The following SLC4A4 variants were observed in gnomAD, a reference collection of about 807,000 sequenced individuals.
The protein encoded by SLC4A4 is solute carrier family 4 member 4, also known as electrogenic sodium bicarbonate cotransporter 1.
SLC4A4 carries 27 observed loss-of-function variants against 111.5 expected under a neutral mutation model. The observed-to-expected ratio is 0.24, with a 90% CI of 0.18 to 0.33. The LOEUF (loss-of-function observed/expected upper bound fraction) is 0.33. Ranked by LOEUF, SLC4A4 falls within the 10% of genes least tolerant of loss-of-function variation. SLC4A4 has a pLI of 1.00. For missense variants in SLC4A4, 909 were observed against 1,315.5 expected (o/e 0.69, Z 4.78); for synonymous variants, 443 against 463.4 (o/e 0.96, Z 0.57).
At chr4:71,164,981 T>C (rs1320625636) in intron 2 of SLC4A4, among the ~76,000 whole-genome samples, 1 of 152,044 alleles carries the variant, frequency 6.6e-6, no homozygotes, top group Non-Finnish European at 1.5e-5. Context: ...ATTAGAGAAA[T>C]GCAAATCAAA....
At chr4:71,243,488 G>T (rs1458739264) in intron 2 of SLC4A4, among the ~76,000 whole-genome samples, 3 of 152,136 alleles carry the variant, frequency 2.0e-5, no homozygotes, top group African/African-American at 7.2e-5. Context: ...AGGCTTTCTT[G>T]TTGCTGTCAT....
intron 2 of SLC4A4, among the ~76,000 whole-genome samples, chr4:71,156,579 C>CGT (rs1744474869): frequency 3.9e-5 from 4 of 103,102 alleles, no homozygotes; most frequent in East Asian, 5.9e-4. Context: ...CGCATGCGCG[C>CGT]GCGCGCGCGC....
chr4:71,419,521 G>C (rs1458550724), intron 7 of SLC4A4, among the ~76,000 whole-genome samples: 1 of 152,222 alleles, frequency 6.6e-6, no homozygotes, highest in Non-Finnish European at 1.5e-5. Flanking sequence ...ATAATCTCCT[G>C]GTGCCCCGTT....
At chr4:71,204,095 T>C (rs1288903422) in intron 1 of SLC4A4, among the ~76,000 whole-genome samples, 2 of 152,312 alleles carry the variant, frequency 1.3e-5, no homozygotes, top group East Asian at 3.9e-4. Context: ...TTCCATGCGG[T>C]GTTGGCTATT....
At chr4:71,330,726 T>A (rs1727907121) in intron 3 of SLC4A4, among the ~76,000 whole-genome samples, 1 of 151,878 alleles carries the variant, frequency 6.6e-6, no homozygotes, top group Non-Finnish European at 1.5e-5. Flanking sequence ...AAGCCAAAAT[T>A]GACAAATGGG....
At chr4:71,427,561 C>A (rs542432905) in intron 7 of SLC4A4, among the ~76,000 whole-genome samples, 3 of 152,028 alleles carry the variant, frequency 2.0e-5, no homozygotes, top group Non-Finnish European at 4.4e-5. Context: ...TTTTTACCCC[C>A]TCTTGGGATT....
intron 16 of SLC4A4, among the ~76,000 whole-genome samples, chr4:71,524,958 C>T (rs996764203): frequency 2.0e-5 from 3 of 152,082 alleles, no homozygotes; most frequent in Non-Finnish European, 4.4e-5. Context: ...CCCTTTCCCT[C>T]CAGTTAATTT....
At chr4:71,132,806 C>A (rs1192768823) in intron 2 of SLC4A4, among the ~76,000 whole-genome samples, 1 of 152,126 alleles carries the variant, frequency 6.6e-6, no homozygotes, top group African/African-American at 2.4e-5. Context: ...GTTAACTGAC[C>A]CTAAGCAATC....
At chr4:71,412,067 A>G (rs1242922684) in intron 7 of SLC4A4, among the ~76,000 whole-genome samples, 1 of 152,262 alleles carries the variant, frequency 6.6e-6, no homozygotes, top group Non-Finnish European at 1.5e-5. Flanking sequence ...ACAAATACAC[A>G]AAACTGCCAT....
chr4:71,564,576 A>G (rs1176474305), intron 24 of SLC4A4, among the ~76,000 whole-genome samples: 1 of 151,880 alleles, frequency 6.6e-6, no homozygotes, highest in Non-Finnish European at 1.5e-5. Flanking sequence ...ATTAGTGACC[A>G]TTTCAGACTT....
intron 2 of SLC4A4, among the ~76,000 whole-genome samples, chr4:71,143,084 G>T (rs1270825969): frequency 6.6e-6 from 1 of 151,978 alleles, no homozygotes; most frequent in Non-Finnish European, 1.5e-5. Context: ...ATCTCCTAAC[G>T]CCATCTCTCC....
At chr4:71,546,269 A>G (rs1735511566) in intron 18 of SLC4A4, 81 bp from the exon 19 acceptor site, 3 of 1,259,900 alleles carry the variant, frequency 2.4e-6, no homozygotes, top group Admixed American at 1.7e-5. Flanking sequence ...TCCTTTGGTC[A>G]TCTTAATTCC....
At chr4:71,335,017 A>G (rs537874982) in intron 3 of SLC4A4, among the ~76,000 whole-genome samples, 9 of 152,240 alleles carry the variant, frequency 5.9e-5, no homozygotes, top group East Asian at 1.9e-4. Flanking sequence ...AGCTAATTCT[A>G]TGGAGTACGT....
At chr4:71,295,478 G>T (rs1478346165) in intron 3 of SLC4A4, among the ~76,000 whole-genome samples, 5 of 152,252 alleles carry the variant, frequency 3.3e-5, no homozygotes, top group African/African-American at 1.2e-4. Flanking sequence ...TCATAGAACT[G>T]AATTCCTTTT....
At chr4:71,484,769 T>C (rs1285578074) in intron 14 of SLC4A4, among the ~76,000 whole-genome samples, 1 of 151,860 alleles carries the variant, frequency 6.6e-6, no homozygotes, top group Non-Finnish European at 1.5e-5. Context: ...TTTAACAATA[T>C]TGATTCGTCT....
At chr4:71,384,731 C>A (rs561815804) in intron 6 of SLC4A4, among the ~76,000 whole-genome samples, 56 of 150,848 alleles carry the variant, frequency 3.7e-4, no homozygotes, top group African/African-American at 1.2e-3. Flanking sequence ...TTATTAATTG[C>A]ATTTGTAATT....
At chr4:71,563,029 A>G in intron 23 of SLC4A4, among the ~76,000 whole-genome samples, 1 of 151,780 alleles carries the variant, frequency 6.6e-6, no homozygotes, top group Non-Finnish European at 1.5e-5. Flanking sequence ...AATATAATGC[A>G]TTTAAAAAAA....
At position 71,092,821 on chromosome 4, in the gene SLC4A4, G is replaced by T. The variant is rs528216857; in HGVS notation, c.-2+29G>T. Among the ~76,000 whole-genome samples, 834 of 152,336 alleles carry T rather than the reference G, an allele frequency of 5.5e-3. 10 individuals are homozygous for T. The highest frequency in any genetic ancestry group is 0.019 in the African/African-American group (795 of 41,570). On this transcript the variant is annotated intron_variant, in intron 2 of 26. Transcript: ENST00000649996. ...AGTAAGAAAGTCATATATGGGCCGGGTACAGTGGCTCACGCCTGTAATCCC... is the reference window on the plus strand; with the variant it reads ...AGTAAGAAAGTCATATATGGGCCGGTTACAGTGGCTCACGCCTGTAATCCC...
intron 12 of SLC4A4, among the ~76,000 whole-genome samples, chr4:71,464,599 T>C (rs578146809): frequency 6.6e-6 from 1 of 152,286 alleles, no homozygotes; most frequent in East Asian, 1.9e-4. Flanking sequence ...ACTGGAGTTG[T>C]TCTGGATTGT....
Sources: allele counts gnomAD v4.1 joint callset (sites outside exome capture counted in the v4.1 genomes callset), GRCh38; gene constraint gnomAD v4.1.1; transcripts MANE v1.5; gene names NCBI Gene and HGNC (gene_info 2026-07-23, HGNC 2026-07-21).